The following CHODL variants were observed in gnomAD, a reference collection of about 807,000 sequenced individuals.
The protein encoded by CHODL is chondrolectin.
A neutral mutation model predicts 34.5 loss-of-function variants in CHODL; 29 were observed. That is an observed-to-expected ratio of 0.84 (90% CI 0.63 to 1.15). CHODL has a LOEUF of 1.15. CHODL is among the 50% of genes most tolerant of loss of function. The pLI, the probability that CHODL is intolerant of heterozygous loss-of-function variation, is 0.00. For missense variants in CHODL, 332 were observed against 332.5 expected (o/e 1.00, Z 0.01); for synonymous variants, 125 against 116.1 (o/e 1.08, Z -0.49).
chr21:17,988,830 G>C (rs1251337334), intron 1 of CHODL, among the ~76,000 whole-genome samples: 3 of 151,898 alleles, frequency 2.0e-5, no homozygotes, highest in Non-Finnish European at 4.4e-5. Flanking sequence ...CAAAGTCTTT[G>C]CTATTGTGAA....
At chr21:18,113,577 G>A (rs1019709864) in intron 2 of CHODL, among the ~76,000 whole-genome samples, 2 of 152,182 alleles carry the variant, frequency 1.3e-5, no homozygotes, top group East Asian at 3.9e-4. Flanking sequence ...GGAAGAGAGA[G>A]AGTGGGGAAG....
chr21:18,129,608 T>C (rs1480577212), intron 2 of CHODL, among the ~76,000 whole-genome samples: 1 of 152,206 alleles, frequency 6.6e-6, no homozygotes, highest in Non-Finnish European at 1.5e-5. Context: ...TGAGTGATCC[T>C]AACATCATCT....
chr21:17,952,705 C>A (rs925607936), intron 1 of CHODL, among the ~76,000 whole-genome samples: 2 of 152,050 alleles, frequency 1.3e-5, no homozygotes, highest in Non-Finnish European at 2.9e-5. Flanking sequence ...TTAAAATGTT[C>A]TTATTTTCTA....
At chr21:18,042,055 G>A (rs752734192) in intron 2 of CHODL, among the ~76,000 whole-genome samples, 7 of 151,782 alleles carry the variant, frequency 4.6e-5, no homozygotes, top group Non-Finnish European at 7.4e-5. Context: ...TATCACATGA[G>A]CTGATGAACG....
At chr21:18,165,828 G>T (rs1403476763) in intron 2 of CHODL, among the ~76,000 whole-genome samples, 1 of 152,106 alleles carries the variant, frequency 6.6e-6, no homozygotes, top group Non-Finnish European at 1.5e-5. Flanking sequence ...GACTCCTGTG[G>T]CCATTTTTAG....
intron 1 of CHODL, among the ~76,000 whole-genome samples, chr21:17,966,954 T>G (rs942941292): frequency 1.3e-5 from 2 of 151,934 alleles, no homozygotes; most frequent in African/African-American, 2.4e-5. Context: ...GGCGCGATCT[T>G]GGCTCCCTGC....
intron 2 of CHODL, among the ~76,000 whole-genome samples, chr21:18,114,199 A>C (rs985224345): frequency 2.0e-5 from 3 of 152,188 alleles, no homozygotes; most frequent in African/African-American, 7.2e-5. Context: ...AAAATAAAGA[A>C]AGAATGAATA....
intron 2 of CHODL, among the ~76,000 whole-genome samples, chr21:18,161,537 G>C (rs1242195758): frequency 6.6e-6 from 1 of 152,070 alleles, no homozygotes; most frequent in Non-Finnish European, 1.5e-5. Flanking sequence ...CTGAGAGTCA[G>C]CCAAATGGAA....
At chr21:18,135,462 C>G (rs2146600829) in intron 2 of CHODL, among the ~76,000 whole-genome samples, 1 of 152,216 alleles carries the variant, frequency 6.6e-6, no homozygotes, top group Non-Finnish European at 1.5e-5. Context: ...CCTCAGCGTT[C>G]CATCCAATTA....
intron 2 of CHODL, among the ~76,000 whole-genome samples, chr21:18,145,023 T>C (rs1325320819): frequency 1.4e-5 from 1 of 69,708 alleles, no homozygotes; most frequent in African/African-American, 3.2e-5. Context: ...TAGTAACAAA[T>C]CTAGAATATT....
chr21:17,929,113 T>C (rs2063250838), intron 1 of CHODL, among the ~76,000 whole-genome samples: 1 of 152,222 alleles, frequency 6.6e-6, no homozygotes, highest in African/African-American at 2.4e-5. Flanking sequence ...TTTTACTTGT[T>C]CCATGTGAAA....
chr21:18,156,694 A>G (rs2073038882), intron 2 of CHODL, among the ~76,000 whole-genome samples: 1 of 152,170 alleles, frequency 6.6e-6, no homozygotes, highest in Non-Finnish European at 1.5e-5. Context: ...TTCTTCCACG[A>G]CGATTGCCAT....
chr21:18,053,961 CAT>C (rs1455004015), intron 2 of CHODL, among the ~76,000 whole-genome samples: 5 of 151,660 alleles, frequency 3.3e-5, no homozygotes, highest in Admixed American at 1.3e-4. Flanking sequence ...TATAAAATCA[CAT>C]ATATCACACC....
intron 2 of CHODL, among the ~76,000 whole-genome samples, chr21:18,108,582 G>T (rs1000251386): frequency 2.6e-5 from 4 of 152,152 alleles, no homozygotes; most frequent in African/African-American, 4.8e-5. Context: ...AGGATGGGAA[G>T]TATATGAAGG....
intron 1 of CHODL, among the ~76,000 whole-genome samples, chr21:17,998,465 C>A (rs1403626067): frequency 6.6e-6 from 1 of 152,234 alleles, no homozygotes; most frequent in Non-Finnish European, 1.5e-5. Flanking sequence ...CAGTAGGGAA[C>A]CTGTGTGGGA....
intron 2 of CHODL, among the ~76,000 whole-genome samples, chr21:18,037,212 G>A (rs1162732746): frequency 6.6e-6 from 1 of 151,872 alleles, no homozygotes; most frequent in Non-Finnish European, 1.5e-5. Context: ...TACAGCAAGC[G>A]ATCCTATGTC....
intron 2 of CHODL, among the ~76,000 whole-genome samples, chr21:18,166,888 G>A (rs141531683): frequency 1.2e-3 from 175 of 152,156 alleles, no homozygotes; most frequent in Non-Finnish European, 2.1e-3. Flanking sequence ...CTTATACTTT[G>A]AGTGTTTTAA....
chr21:18,131,444 T>C (rs1382607002), intron 2 of CHODL, among the ~76,000 whole-genome samples: 1 of 152,204 alleles, frequency 6.6e-6, no homozygotes, highest in Non-Finnish European at 1.5e-5. Flanking sequence ...CATTTCAATT[T>C]ACGAACATTT....
rs140718106 is a variant in CHODL at position 17,988,402 on chromosome 21, T to TTTA, written c.-144-39459_-144-39457dup. On this transcript the variant is annotated intron_variant, in intron 1 of 6. Transcript: ENST00000400127. The stretch of plus-strand genomic sequence containing the variant: ...TTTTTTTTCCCTTTTTTCCTTTTTT[T>TTTA]TTATTATTATTATACTTTAAGTTTT... Among the ~76,000 whole-genome samples, 19 of 140,136 alleles carry TTTA rather than the reference T, an allele frequency of 1.4e-4. 1 individual carries two copies. The highest frequency in any genetic ancestry group is 2.4e-4 in the African/African-American group (9 of 36,814). The allele number at this position is 140,136 out of a possible 152,430, so 91.9% of individuals were successfully genotyped here. A position where few individuals can be genotyped will look rare whatever the true frequency, so the allele number is the denominator to read the frequency against.
Sources: gnomAD v4.1 joint callset for allele counts (sites outside exome capture counted in the v4.1 genomes callset) on GRCh38, gnomAD v4.1.1 for gene constraint, MANE v1.5 for transcripts, NCBI Gene and HGNC (gene_info 2026-07-23, HGNC 2026-07-21) for gene names.